CMIP: variants seen among roughly 807,000 people sequenced by gnomAD.
CMIP encodes the protein C-Maf-inducing protein.
Under a neutral mutation model 97.3 loss-of-function variants are expected in CMIP, and 13 were observed. That is an observed-to-expected ratio of 0.13 (90% CI 0.09 to 0.21). CMIP has a LOEUF of 0.21. Ranked by LOEUF, CMIP falls within the 10% of genes least tolerant of loss-of-function variation. The pLI is 1.00. For synonymous variants in CMIP, 538 were observed against 436.3 expected, an observed-to-expected ratio of 1.23 and a Z score of -2.91; for missense variants, 847 against 1,024.9, an observed-to-expected ratio of 0.83 and a Z score of 2.37.
At chr16:81,505,659 C>T (rs190408576) in intron 1 of CMIP, among the ~76,000 whole-genome samples, 3 of 152,232 alleles carry the variant, frequency 2.0e-5, no homozygotes, top group Non-Finnish European at 4.4e-5. Flanking sequence ...AGCTGGGTCT[C>T]TCTTTGAGTC....
chr16:81,457,598 A>G (rs971126514), intron 1 of CMIP, among the ~76,000 whole-genome samples: 3 of 152,178 alleles, frequency 2.0e-5, no homozygotes, highest in African/African-American at 4.8e-5. Flanking sequence ...GCTCTGCCAC[A>G]TGTCCCCGGG....
At chr16:81,495,167 C>T (rs868217009) in intron 1 of CMIP, among the ~76,000 whole-genome samples, 1 of 152,208 alleles carries the variant, frequency 6.6e-6, no homozygotes, top group Non-Finnish European at 1.5e-5. Context: ...TGTGGAGTAC[C>T]TGGCACTCAG....
At chr16:81,658,693 G>A (rs1242606494) in intron 5 of CMIP, among the ~76,000 whole-genome samples, 1 of 152,250 alleles carries the variant, frequency 6.6e-6, no homozygotes, top group Non-Finnish European at 1.5e-5. Flanking sequence ...CAGCATTGCT[G>A]GAGCATAAAG....
intron 13 of CMIP, chr16:81,695,399 AGCTCAGAGGG>A (rs1906597768): frequency 6.6e-6 from 1 of 152,278 alleles, no homozygotes; most frequent in Non-Finnish European, 1.5e-5. Flanking sequence ...ATATTCTTCC[AGCTCAGAGGG>A]AAAAATAAAA....
chr16:81,527,657 G>GT (rs1317434548), intron 1 of CMIP, among the ~76,000 whole-genome samples: 12 of 152,070 alleles, frequency 7.9e-5, no homozygotes, highest in Admixed American at 6.5e-4. Context: ...TGTTTATTTA[G>GT]TTTTTTTAGA....
At chr16:81,615,145 GATGTGTGTGC>G (rs1170813879) in intron 2 of CMIP, among the ~76,000 whole-genome samples, 1 of 150,654 alleles carries the variant, frequency 6.6e-6, no homozygotes, top group African/African-American at 2.4e-5. Flanking sequence ...ATGTCTGTGT[GATGTGTGTGC>G]ATGTGTGTGT....
In CMIP at chr16:81,628,732, C is replaced by T. The variant is rs146621238; in HGVS notation, c.477+7806C>T. ...TGATGTGCACTTGGGAGCAGTGCCCCGGCTCCCACCTGTTCTCGTGGCACA... is the reference window on the plus strand; with the variant it reads ...TGATGTGCACTTGGGAGCAGTGCCCTGGCTCCCACCTGTTCTCGTGGCACA... On this transcript the variant is annotated intron_variant, in intron 3 of 20. Coordinates refer to ENST00000537098, the MANE Select transcript of CMIP (RefSeq NM_198390.3). 3.4e-4 allele frequency among the ~76,000 whole-genome samples: 51 copies of T among 152,198 alleles called. 1 individual carries two copies. The highest frequency in any genetic ancestry group is 1.2e-3 in the African/African-American group (49 of 41,516).
intron 1 of CMIP, among the ~76,000 whole-genome samples, chr16:81,560,367 C>T (rs2090857970): frequency 2.0e-5 from 3 of 151,790 alleles, no homozygotes; most frequent in Admixed American, 6.6e-5. Context: ...TACAGGCTCC[C>T]GCCACTATTC....
intron 1 of CMIP, among the ~76,000 whole-genome samples, chr16:81,496,958 G>A (rs1188831437): frequency 6.6e-6 from 1 of 152,260 alleles, no homozygotes; most frequent in Non-Finnish European, 1.5e-5. Context: ...TGGCTGGCTG[G>A]GGGGTTCAAC....
At chr16:81,596,869 T>C (rs1467395627) in intron 1 of CMIP, among the ~76,000 whole-genome samples, 1 of 152,204 alleles carries the variant, frequency 6.6e-6, no homozygotes, top group Non-Finnish European at 1.5e-5. Flanking sequence ...TGCACCTCTT[T>C]CTGAAGTTTG....
At position 81,652,324 on chromosome 16, in the gene CMIP, A is replaced by G. The variant is rs1012384323; in HGVS notation, c.599A>G (p.Asn200Ser). The G allele has an allele frequency of 3.7e-6, 6 of 1,613,944 alleles. No homozygotes were observed. Among genetic ancestry groups the G allele is most frequent in the African/African-American group, 1.3e-5 (1 of 75,056 alleles). ...TCCCCCCTGCAGGATGACTCCATCA[A>G]CCAGGCCCCACTGGAAATCGTCTCG... ...LTSPLQDDSI[N>S]QAPLEIVSKL... The change falls in exon 4 of 21, where the codon AAC becomes AGC. Residue 200 changes from asparagine to serine, a missense_variant. Around this residue, in one of 4 missense-constraint regions of CMIP, gnomAD observed 285 missense variants for 392.2 expected, o/e 0.73. Coordinates refer to ENST00000537098, the MANE Select transcript of CMIP (RefSeq NM_198390.3). The surrounding 1 kb of genome is among the most constrained non-coding windows in gnomAD (Gnocchi z 5.2).
chr16:81,690,478 G>A (rs1009422450), intron 10 of CMIP, among the ~76,000 whole-genome samples: 1 of 152,214 alleles, frequency 6.6e-6, no homozygotes, highest in Non-Finnish European at 1.5e-5. Context: ...CAGGCATGGT[G>A]CCTCACACCT....
intron 1 of CMIP, among the ~76,000 whole-genome samples, chr16:81,562,101 C>A (rs1350195122): frequency 6.6e-6 from 1 of 152,182 alleles, no homozygotes; most frequent in African/African-American, 2.4e-5. Context: ...GTGAGGGTTC[C>A]ATGGTTGTTG....
chr16:81,516,653 T>G (rs1160405351), intron 1 of CMIP, among the ~76,000 whole-genome samples: 6 of 152,190 alleles, frequency 3.9e-5, no homozygotes, highest in Non-Finnish European at 8.8e-5. Context: ...GGGGATTGGC[T>G]TGCTCTGGGC....
intron 1 of CMIP, among the ~76,000 whole-genome samples, chr16:81,517,018 C>G (rs558470982): frequency 6.7e-6 from 1 of 149,146 alleles, no homozygotes; most frequent in African/African-American, 2.5e-5. Flanking sequence ...CAGACGGCCT[C>G]CAAGGTCATC....
Position 81,691,786 on chromosome 16 carries a change from A to G in CMIP, c.1400A>G (p.Asp467Gly). 1 of 1,613,844 alleles carries G rather than the reference A, an allele frequency of 6.2e-7. No homozygotes were observed. The highest frequency in any genetic ancestry group is 8.5e-7 in the Non-Finnish European group (1 of 1,179,784). Residue 467 changes from aspartate (D) to glycine (G), a missense_variant, in exon 11 of 21, where the codon GAT (aspartate) becomes GGT (glycine). Coordinates refer to ENST00000537098, the MANE Select transcript of CMIP (RefSeq NM_198390.3). ...CTCTCTCATTCTAGGTCAGACTATG[A>G]TGACTGGAGACCGTCTCTGGCCAGT... The part of the protein sequence containing the change: ...VEILKLLSDY[D>G]DWRPSLASLL...
chr16:81,588,419 G>A (rs2091416488), intron 1 of CMIP, among the ~76,000 whole-genome samples: 1 of 152,152 alleles, frequency 6.6e-6, no homozygotes, highest in Non-Finnish European at 1.5e-5. Flanking sequence ...TAAATCTGGA[G>A]CCACGCTTGT....
At chr16:81,696,505 C>A in intron 13 of CMIP, 55 bp from the exon 14 acceptor site, 1 of 1,535,228 alleles carries the variant, frequency 6.5e-7, no homozygotes, top group Admixed American at 1.9e-5. Flanking sequence ...ATCATGGTCG[C>A]CCTTGTCACC....
At position 81,500,255 on chromosome 16, in the gene CMIP, C is replaced by T. The variant is rs577884249; in HGVS notation, c.300+54714C>T. The stretch of plus-strand genomic sequence containing the variant: ...TTATCAAAATTTCCTTCCTTCCTTC[C>T]GTCCTTCCTTCCTTCCGTCCTTCCT... On this transcript the variant is annotated intron_variant, in intron 1 of 20. Coordinates refer to ENST00000537098, the MANE Select transcript of CMIP (RefSeq NM_198390.3). Among the ~76,000 whole-genome samples, 53 of 150,680 alleles carry T rather than the reference C, an allele frequency of 3.5e-4. 1 individual carries two copies. Among genetic ancestry groups the T allele is most frequent in the Non-Finnish European group, 1.2e-4 (8 of 67,574 alleles).
Sources: gnomAD v4.1 joint callset for allele counts (sites outside exome capture counted in the v4.1 genomes callset) on GRCh38, gnomAD v4.1.1 for gene constraint, gnomAD v4.1.1 regional missense constraint, Gnocchi (gnomAD v3.1) non-coding constraint, MANE v1.5 for transcripts, NCBI Gene and HGNC (gene_info 2026-07-23, HGNC 2026-07-21) for gene names.